Variants in GRIA4 observed in about 807,000 individuals in gnomAD.
GRIA4 encodes glutamate ionotropic receptor AMPA type subunit 4, also known as glutamate receptor 4.
In GRIA4, 34 loss-of-function variants were observed where a neutral mutation model predicts 104.0. The observed-to-expected ratio is 0.33, with a 90% confidence interval of 0.25 to 0.44. The LOEUF (loss-of-function observed/expected upper bound fraction) is 0.44. Among genes scored for constraint, GRIA4 ranks in the 20% least tolerant of loss-of-function variants. GRIA4 has a pLI of 1.00. For synonymous variants in GRIA4, 386 were observed against 381.9 expected (o/e 1.01, Z -0.13); for missense variants, 750 against 1,096.5 (o/e 0.68, Z 4.46).
intron 11 of GRIA4, among the ~76,000 whole-genome samples, chr11:105,920,429 C>A (rs1565342914): frequency 6.6e-6 from 1 of 152,108 alleles, no homozygotes; most frequent in Non-Finnish European, 1.5e-5. Flanking sequence ...AACACTCTTA[C>A]ATATTTCATC....
intron 4 of GRIA4, among the ~76,000 whole-genome samples, chr11:105,781,570 T>C (rs771169588): frequency 1.5e-4 from 23 of 152,172 alleles, no homozygotes; most frequent in Non-Finnish European, 2.8e-4. Flanking sequence ...ATTCTGCTCA[T>C]GGAAAACAAA....
intron 4 of GRIA4, among the ~76,000 whole-genome samples, chr11:105,850,585 A>C (rs763480184): frequency 6.6e-6 from 1 of 152,206 alleles, no homozygotes; most frequent in Non-Finnish European, 1.5e-5. Flanking sequence ...GTGCCGGGAC[A>C]ACATCATTAA....
At chr11:105,965,758 C>T (rs758037708) in intron 14 of GRIA4, among the ~76,000 whole-genome samples, 1 of 152,144 alleles carries the variant, frequency 6.6e-6, no homozygotes, top group Admixed American at 6.5e-5. Flanking sequence ...CCAAATACTG[C>T]ATGTTTAATA....
intron 14 of GRIA4, among the ~76,000 whole-genome samples, chr11:105,951,558 G>A (rs537803669): frequency 7.2e-5 from 11 of 151,962 alleles, no homozygotes; most frequent in African/African-American, 2.7e-4. Flanking sequence ...AACACCCCAA[G>A]GCCACCACAA....
At chr11:105,822,633 T>G (rs1421040226) in intron 4 of GRIA4, among the ~76,000 whole-genome samples, 1 of 152,126 alleles carries the variant, frequency 6.6e-6, no homozygotes, top group East Asian at 1.9e-4. Flanking sequence ...TTACTTAAAT[T>G]TTGTTTTGCT....
intron 4 of GRIA4, among the ~76,000 whole-genome samples, chr11:105,794,473 GTATATATATATA>G (rs71041629): frequency 0.015 from 641 of 43,886 alleles, 41 homozygotes; most frequent in African/African-American, 0.058. Context: ...GTATATGTAT[GTATATATATATA>G]TATATATATA....
intron 3 of GRIA4, among the ~76,000 whole-genome samples, chr11:105,634,255 G>C (rs551191102): frequency 1.3e-5 from 2 of 151,610 alleles, no homozygotes; most frequent in African/African-American, 4.8e-5. Context: ...GCTGAGGCAG[G>C]AGAATCACTT....
intron 3 of GRIA4, chr11:105,613,302 T>C (rs1950524598): frequency 6.6e-6 from 1 of 152,188 alleles, no homozygotes; most frequent in South Asian, 2.1e-4. Flanking sequence ...GATCAGTCAA[T>C]AGCAGTTGTA....
intron 3 of GRIA4, among the ~76,000 whole-genome samples, chr11:105,672,515 C>T (rs1952407565): frequency 6.6e-6 from 1 of 152,144 alleles, no homozygotes; most frequent in Non-Finnish European, 1.5e-5. Flanking sequence ...AGGACACTTT[C>T]TAATGATAAT....
intron 3 of GRIA4, among the ~76,000 whole-genome samples, chr11:105,619,667 C>T (rs1011081099): frequency 2.0e-5 from 3 of 151,878 alleles, no homozygotes; most frequent in Non-Finnish European, 4.4e-5. Flanking sequence ...ATGAATTCTC[C>T]TAATTTTATG....
chr11:105,887,255 T>C lies in GRIA4; in HGVS notation c.673-264T>C, dbSNP rs553692439. Among the ~76,000 whole-genome samples the C allele has an allele frequency of 2.7e-4, 41 of 152,242 alleles. 2 individuals are homozygous for C. The South Asian group carries it at 7.5e-3, about 28-fold the overall frequency. Reference sequence around the variant, plus strand: ...TATATGTAAATGTTGGTTCATAGCATTGTCATTCTTTTTAAGGAGATTATA... The same window carrying C: ...TATATGTAAATGTTGGTTCATAGCACTGTCATTCTTTTTAAGGAGATTATA... On this transcript the variant is annotated intron_variant, in intron 5 of 16. Transcript: ENST00000282499.
chr11:105,952,451 T>A (rs1291894456), intron 14 of GRIA4, among the ~76,000 whole-genome samples: 1 of 152,178 alleles, frequency 6.6e-6, no homozygotes, highest in Non-Finnish European at 1.5e-5. Flanking sequence ...TACTCAACAC[T>A]AAAAATGTAA....
intron 4 of GRIA4, among the ~76,000 whole-genome samples, chr11:105,776,283 GC>G (rs1320271586): frequency 1.3e-5 from 2 of 151,904 alleles, no homozygotes; most frequent in Admixed American, 6.6e-5. Flanking sequence ...ATTTATGGCA[GC>G]AAAAAAATAC....
At chr11:105,798,629 T>C (rs1348996974) in intron 4 of GRIA4, among the ~76,000 whole-genome samples, 1 of 152,118 alleles carries the variant, frequency 6.6e-6, no homozygotes. Context: ...TAGGAGACTG[T>C]GGCAATAATC....
chr11:105,855,142 T>C (rs1350644928), intron 4 of GRIA4, among the ~76,000 whole-genome samples: 2 of 152,144 alleles, frequency 1.3e-5, no homozygotes, highest in Non-Finnish European at 2.9e-5. Context: ...CTCCTCACCA[T>C]CTTTATTCAT....
intron 3 of GRIA4, among the ~76,000 whole-genome samples, chr11:105,641,169 T>C (rs1951348626): frequency 6.6e-6 from 1 of 152,152 alleles, no homozygotes; most frequent in Admixed American, 6.6e-5. Context: ...CTAGAATTTA[T>C]ATTAGCATTT....
In GRIA4 at chr11:105,656,087, T is replaced by C. The variant is rs188956419; in HGVS notation, c.247+43653T>C. ...TTTGCATTTCTCTCATGACCAGTGA[T>C]GATGAGCTTCTCTTCATATATTGGT... On this transcript the variant is annotated intron_variant, in intron 3 of 16. Transcript: ENST00000282499. Among the ~76,000 whole-genome samples the C allele has an allele frequency of 3.8e-3, 582 of 152,326 alleles. 4 individuals are homozygous for C. The highest frequency in any genetic ancestry group is 5.8e-3 in the Non-Finnish European group (397 of 68,022).
chr11:105,927,044 C>A, intron 13 of GRIA4, 105 bp downstream of exon 13: 2 of 710,208 alleles, frequency 2.8e-6, no homozygotes, highest in Non-Finnish European at 4.8e-6. Context: ...GGTTTACAAA[C>A]ACAATAGTAA....
At chr11:105,648,861 T>A (rs1951607594) in intron 3 of GRIA4, among the ~76,000 whole-genome samples, 2 of 152,168 alleles carry the variant, frequency 1.3e-5, no homozygotes, top group Non-Finnish European at 2.9e-5. Context: ...AAATAAAAAT[T>A]ACTTTTGCAC....
Sources: gnomAD v4.1 joint callset for allele counts (sites outside exome capture counted in the v4.1 genomes callset) on GRCh38, gnomAD v4.1.1 for gene constraint, MANE v1.5 for transcripts, NCBI Gene and HGNC (gene_info 2026-07-23, HGNC 2026-07-21) for gene names.